The following COL5A1 variants were observed in gnomAD, a reference collection of about 807,000 sequenced individuals.
The protein encoded by COL5A1 is collagen type V alpha 1 chain, also known as collagen alpha-1(V) chain.
In COL5A1, 16 loss-of-function variants were observed where a neutral mutation model predicts 263.7. The ratio of observed to expected loss-of-function variants is 0.06; its 90% CI spans 0.04 to 0.09. The LOEUF is 0.09. Among genes scored for constraint, COL5A1 ranks in the 10% least tolerant of loss-of-function variants. The pLI, the probability that COL5A1 is intolerant of heterozygous loss-of-function variation, is 1.00. For missense variants in COL5A1, 2,036 were observed against 2,540.5 expected, an observed-to-expected ratio of 0.80 and a Z score of 4.27; for synonymous variants, 1,012 against 1,004.5, an observed-to-expected ratio of 1.01 and a Z score of -0.14.
rs2132729412 is a variant in COL5A1, at chr9:134,767,374, G to A, written c.2232+20G>A. The stretch of plus-strand genomic sequence containing the variant: ...GAAAAGGTAGGTGGGCCTGGGCTGT[G>A]TTGCAGGCCACTGCCCGCCTGCAGG... On this transcript the variant is annotated intron_variant, in intron 24 of 65. Coordinates refer to ENST00000371817, the MANE Select transcript of COL5A1 (RefSeq NM_000093.5). 6.2e-7 allele frequency: 1 copy of A among 1,612,766 alleles called. No homozygotes were observed. Among genetic ancestry groups the A allele is most frequent in the Non-Finnish European group, 8.5e-7 (1 of 1,179,080 alleles).
chr9:134,776,312 C>T (rs1011687628), intron 27 of COL5A1, among the ~76,000 whole-genome samples: 5 of 152,186 alleles, frequency 3.3e-5, no homozygotes, highest in Admixed American at 3.3e-4. Flanking sequence ...ATAGCAGAAG[C>T]CTCTGCCAAC....
At position 134,731,523 on chromosome 9, in the gene COL5A1, G is replaced by A; in HGVS notation, c.1192G>A (p.Asp398Asn). Residue 398 changes from aspartate to asparagine, a missense_variant, in exon 8 of 66, where the codon GAT becomes AAT. Around this residue, in one of 3 missense-constraint regions of COL5A1, gnomAD observed 600 missense variants for 634.5 expected, o/e 0.95. Coordinates refer to ENST00000371817, the MANE Select transcript of COL5A1 (RefSeq NM_000093.5). ...AGCTCCGCCTCCAGGGGAAGGTGCGGATGACTTGGAGGGGGAGTTCACTGA... is the reference window on the plus strand; with the variant it reads ...AGCTCCGCCTCCAGGGGAAGGTGCGAATGACTTGGAGGGGGAGTTCACTGA... Reference protein sequence around the residue: ...NPAPPPGEGADDLEGEFTEET... With the variant: ...NPAPPPGEGANDLEGEFTEET... 6.2e-7 allele frequency: 1 copy of A among 1,614,232 alleles called. No individual in the cohort carries two copies. Among genetic ancestry groups the A allele is most frequent in the Non-Finnish European group, 8.5e-7 (1 of 1,180,028 alleles).
intron 29 of COL5A1, among the ~76,000 whole-genome samples, chr9:134,783,058 G>A (rs1837320328): frequency 6.6e-6 from 1 of 152,230 alleles, no homozygotes; most frequent in Admixed American, 6.5e-5. Flanking sequence ...GACTCAAGAG[G>A]GATAAGCGGT....
chr9:134,826,356 C>T (rs146665294), intron 63 of COL5A1, among the ~76,000 whole-genome samples: 4 of 152,244 alleles, frequency 2.6e-5, no homozygotes, highest in Non-Finnish European at 5.9e-5. Context: ...GCCCTGGTCC[C>T]TCCTGAGTGC....
At chr9:134,819,828 CAG>C (rs1838921688) in intron 57 of COL5A1, among the ~76,000 whole-genome samples, 1 of 152,346 alleles carries the variant, frequency 6.6e-6, no homozygotes, top group East Asian at 1.9e-4. Context: ...AAGAGAAAGA[CAG>C]AGATAAACAT....
intron 1 of COL5A1, among the ~76,000 whole-genome samples, chr9:134,672,183 T>G (rs1428571191): frequency 6.6e-6 from 1 of 152,250 alleles, no homozygotes; most frequent in East Asian, 1.9e-4. Context: ...TAATGCAATT[T>G]CCTGCTAGAT....
chr9:134,785,484 G>A (rs34200295), intron 30 of COL5A1, among the ~76,000 whole-genome samples: 7,593 of 152,290 alleles, frequency 0.05, 208 homozygotes, highest in Non-Finnish European at 0.057. Flanking sequence ...AAGGAAGGCC[G>A]GGGTCCTTGG....
intron 63 of COL5A1, among the ~76,000 whole-genome samples, chr9:134,826,312 C>T (rs1320954165): frequency 6.6e-6 from 1 of 152,220 alleles, no homozygotes; most frequent in Non-Finnish European, 1.5e-5. Flanking sequence ...CCCTTTGCCT[C>T]AATTCTTATT....
At chr9:134,800,134 A>C (rs1383046882) in intron 37 of COL5A1, among the ~76,000 whole-genome samples, 1 of 152,214 alleles carries the variant, frequency 6.6e-6, no homozygotes, top group Non-Finnish European at 1.5e-5. Flanking sequence ...ATTTCTCCTA[A>C]ATGTGAGCCA....
intron 65 of COL5A1, among the ~76,000 whole-genome samples, chr9:134,837,474 A>G (rs957178533): frequency 2.0e-5 from 3 of 152,114 alleles, no homozygotes; most frequent in Non-Finnish European, 4.4e-5. Flanking sequence ...TGGAAGATCC[A>G]ACTTCTTCCA....
At chr9:134,799,309 G>T (rs1403242305) in intron 37 of COL5A1, among the ~76,000 whole-genome samples, 1 of 152,208 alleles carries the variant, frequency 6.6e-6, no homozygotes, top group African/African-American at 2.4e-5. Flanking sequence ...AAGGGTGCAG[G>T]CACGCCTGTA....
At chr9:134,835,671 C>A (rs1229756609) in intron 65 of COL5A1, among the ~76,000 whole-genome samples, 2 of 152,214 alleles carry the variant, frequency 1.3e-5, no homozygotes, top group Admixed American at 1.3e-4. Context: ...CCCATGGGCC[C>A]TCTCCATGTG....
Position 134,842,616 on chromosome 9 carries a change from A to C in COL5A1, c.*313A>C. ...TGCCTCCAGCCCCCCAGCTCGCCCGACCCATCCTGTTCGTGAATAGGTCTC... is the reference window on the plus strand; with the variant it reads ...TGCCTCCAGCCCCCCAGCTCGCCCGCCCCATCCTGTTCGTGAATAGGTCTC... On this transcript the variant is annotated 3_prime_UTR_variant, in exon 66 of 66. Transcript: ENST00000371817. The surrounding 1 kb of genome is among the most constrained non-coding windows in gnomAD (Gnocchi z 5.8). 2.0e-6 allele frequency: 1 copy of C among 510,108 alleles called. No individual in the cohort carries two copies. Among genetic ancestry groups the C allele is most frequent in the Non-Finnish European group, 3.5e-6 (1 of 281,952 alleles). The allele number at this position is 510,108 out of a possible 1,614,324, so 31.6% of individuals were successfully genotyped here. A position where few individuals can be genotyped will look rare whatever the true frequency, so the allele number is the denominator to read the frequency against.
intron 63 of COL5A1, among the ~76,000 whole-genome samples, chr9:134,827,444 C>A (rs937181680): frequency 3.3e-5 from 5 of 152,244 alleles, no homozygotes; most frequent in African/African-American, 9.6e-5. Context: ...AACACGGGGG[C>A]CTTCCATCTC....
chr9:134,731,478 C>T lies in COL5A1; in HGVS notation c.1165-18C>T. The T allele has an allele frequency of 6.2e-7, 1 of 1,613,814 alleles. No homozygotes were observed. Among genetic ancestry groups the T allele is most frequent in the Non-Finnish European group, 8.5e-7 (1 of 1,179,940 alleles). On this transcript the variant is annotated intron_variant, in intron 7 of 65. Coordinates refer to ENST00000371817, the MANE Select transcript of COL5A1 (RefSeq NM_000093.5). ...GTGCGTTTGCGAGGCAACCCTGCGC[C>T]TTCCTCTCCCTCTGCAGCCAGCTCC...
intron 27 of COL5A1, 70 bp downstream of exon 27, chr9:134,774,982 T>G (rs1837001724): frequency 7.1e-7 from 1 of 1,415,046 alleles, no homozygotes; most frequent in Non-Finnish European, 9.9e-7. Context: ...TTGGCGTGGC[T>G]GGTTTTAGGG....
chr9:134,763,422 C>G (rs963326893), intron 19 of COL5A1, among the ~76,000 whole-genome samples: 2 of 152,258 alleles, frequency 1.3e-5, no homozygotes, highest in African/African-American at 4.8e-5. Flanking sequence ...ATTAGATGCT[C>G]TTTCTGCCCA....
At chr9:134,657,797 GGA>G (rs1218314592) in intron 1 of COL5A1, among the ~76,000 whole-genome samples, 2 of 151,866 alleles carry the variant, frequency 1.3e-5, no homozygotes, top group Non-Finnish European at 2.9e-5. Flanking sequence ...CTGGACTCCT[GGA>G]GAGGACTCTG....
chr9:134,775,976 G>A (rs1837039395), intron 27 of COL5A1, among the ~76,000 whole-genome samples: 1 of 152,196 alleles, frequency 6.6e-6, no homozygotes, highest in African/African-American at 2.4e-5. Flanking sequence ...TGCTCTGAGA[G>A]CCCAAGACAT....
Sources: allele counts gnomAD v4.1 joint callset (sites outside exome capture counted in the v4.1 genomes callset), GRCh38; gene constraint gnomAD v4.1.1; regional missense constraint gnomAD v4.1.1; non-coding constraint Gnocchi (gnomAD v3.1); transcripts MANE v1.5; gene names NCBI Gene and HGNC (gene_info 2026-07-23, HGNC 2026-07-21).